GOLM2: variants seen among roughly 807,000 people sequenced by gnomAD.
GOLM2 encodes golgi membrane protein 2.
GOLM2 carries 26 observed loss-of-function variants against 55.9 expected under a neutral mutation model. The observed-to-expected ratio is 0.47, with a 90% CI of 0.34 to 0.65. The LOEUF (loss-of-function observed/expected upper bound fraction) is 0.65. GOLM2 is among the 30% of genes least tolerant of loss of function. GOLM2 has a pLI of 0.01. For missense variants in GOLM2, 486 were observed against 531.8 expected, an observed-to-expected ratio of 0.91 and a Z score of 0.85; for synonymous variants, 165 against 194.6, an observed-to-expected ratio of 0.85 and a Z score of 1.27.
intron 6 of GOLM2, among the ~76,000 whole-genome samples, chr15:44,374,912 A>C (rs2079354032): frequency 6.6e-6 from 1 of 152,238 alleles, no homozygotes; most frequent in South Asian, 2.1e-4. Context: ...ATTTTCTGAT[A>C]GCAGCATGAT....
chr15:44,346,955 A>C (rs1191094152), intron 6 of GOLM2, among the ~76,000 whole-genome samples: 1 of 151,834 alleles, frequency 6.6e-6, no homozygotes, highest in Non-Finnish European at 1.5e-5. Context: ...ACAAGACCTC[A>C]TATCTTAGGA....
chr15:44,362,630 T>A (rs921671888), intron 6 of GOLM2, among the ~76,000 whole-genome samples: 2 of 152,172 alleles, frequency 1.3e-5, no homozygotes, highest in Admixed American at 1.3e-4. Context: ...AGGTAATTTA[T>A]AGATTCAATG....
intron 1 of GOLM2, among the ~76,000 whole-genome samples, chr15:44,317,285 G>A (rs1313359419): frequency 2.0e-5 from 3 of 152,204 alleles, no homozygotes; most frequent in African/African-American, 7.2e-5. Context: ...GCTGAGGTGG[G>A]AGGATCTTTT....
chr15:44,322,197 A>G (rs1468361201), intron 1 of GOLM2, among the ~76,000 whole-genome samples: 2 of 152,158 alleles, frequency 1.3e-5, no homozygotes, highest in African/African-American at 2.4e-5. Flanking sequence ...GTAAAACCCC[A>G]TCTCTACTAA....
intron 9 of GOLM2, among the ~76,000 whole-genome samples, chr15:44,410,526 C>T (rs923881053): frequency 6.6e-6 from 1 of 151,984 alleles, no homozygotes; most frequent in African/African-American, 2.4e-5. Flanking sequence ...TAATTTCAGG[C>T]TTTAACACAT....
intron 6 of GOLM2, among the ~76,000 whole-genome samples, chr15:44,378,277 G>A (rs1270495126): frequency 6.6e-6 from 1 of 150,866 alleles, no homozygotes; most frequent in African/African-American, 2.4e-5. Context: ...GGTTGGTTTC[G>A]ATTTCCTGAC....
intron 6 of GOLM2, among the ~76,000 whole-genome samples, chr15:44,367,537 T>C (rs938586318): frequency 6.6e-6 from 1 of 152,184 alleles, no homozygotes; most frequent in African/African-American, 2.4e-5. Context: ...GGCTCATGCC[T>C]GTAATCCCAG....
chr15:44,325,387 A>C (rs2078974371), intron 2 of GOLM2, among the ~76,000 whole-genome samples: 1 of 152,150 alleles, frequency 6.6e-6, no homozygotes, highest in Non-Finnish European at 1.5e-5. Flanking sequence ...TACAAAGGAA[A>C]ATTTTATTTC....
At chr15:44,315,092 C>T (rs1316827733) in intron 1 of GOLM2, among the ~76,000 whole-genome samples, 2 of 152,106 alleles carry the variant, frequency 1.3e-5, no homozygotes, top group African/African-American at 4.8e-5. Flanking sequence ...AATTCCTGGG[C>T]CTTTCCCAGA....
At position 44,366,308 on chromosome 15, in the gene GOLM2, A is replaced by C. The variant is rs549101741; in HGVS notation, c.803-13382A>C. Among the ~76,000 whole-genome samples, 16 of 151,600 alleles carry C rather than the reference A, an allele frequency of 1.1e-4. No individual in the cohort carries two copies. The South Asian group carries it at 1.9e-3, about 18-fold the overall frequency. On this transcript the variant is annotated intron_variant, in intron 6 of 9. Coordinates refer to ENST00000299957, the MANE Select transcript of GOLM2 (RefSeq NM_138423.4). The stretch of plus-strand genomic sequence containing the variant: ...CGAGACTCCGTCTCAAAAAAAAAAA[A>C]AAAAAACAAAACAAACAAACCACAA...
At position 44,288,925 on chromosome 15, in the gene GOLM2, G is replaced by C. The variant is rs2078699304; in HGVS notation, c.-105G>C. On this transcript the variant is annotated 5_prime_UTR_variant, in exon 1 of 10. Coordinates refer to ENST00000299957, the MANE Select transcript of GOLM2 (RefSeq NM_138423.4). ...GACCGGTAAGCCCGCCTCCTCCCTC[G>C]GCCGGCCCTGGGGCCGTGTCCGCCG... The C allele has an allele frequency of 1.2e-5, 13 of 1,094,210 alleles. No individual in the cohort carries two copies. Among genetic ancestry groups the C allele is most frequent in the Non-Finnish European group, 1.3e-5 (10 of 776,054 alleles). The allele number at this position is 1,094,210 out of a possible 1,614,324, so 67.8% of individuals were successfully genotyped here.
chr15:44,327,614 T>C (rs781522560), intron 2 of GOLM2, among the ~76,000 whole-genome samples: 1 of 152,208 alleles, frequency 6.6e-6, no homozygotes, highest in Non-Finnish European at 1.5e-5. Flanking sequence ...CTAAAAATTA[T>C]CTTAATACTA....
chr15:44,382,569 C>T (rs1433316454), intron 8 of GOLM2, among the ~76,000 whole-genome samples: 25 of 152,018 alleles, frequency 1.6e-4, no homozygotes, highest in African/African-American at 5.3e-4. Flanking sequence ...TCAGGTGATC[C>T]GCCCGCCTCG....
intron 6 of GOLM2, among the ~76,000 whole-genome samples, chr15:44,346,984 CAT>C (rs2079129433): frequency 6.6e-6 from 1 of 151,734 alleles, no homozygotes; most frequent in African/African-American, 2.4e-5. Flanking sequence ...AATGGCTAGG[CAT>C]AGTGGCACAC....
At chr15:44,330,700 G>A (rs992036631) in intron 3 of GOLM2, among the ~76,000 whole-genome samples, 2 of 151,988 alleles carry the variant, frequency 1.3e-5, no homozygotes, top group African/African-American at 2.4e-5. Flanking sequence ...CTGCACTCCA[G>A]TCTGGGCAAC....
chr15:44,369,100 T>C (rs1378351832), intron 6 of GOLM2, among the ~76,000 whole-genome samples: 2 of 98,070 alleles, frequency 2.0e-5, no homozygotes, highest in East Asian at 3.7e-4. Flanking sequence ...TATATATATA[T>C]ATATATATAT....
chr15:44,300,973 C>A (rs1045124929), intron 1 of GOLM2, among the ~76,000 whole-genome samples: 1 of 152,222 alleles, frequency 6.6e-6, no homozygotes, highest in Non-Finnish European at 1.5e-5. Flanking sequence ...GATTCTTTCT[C>A]TTTTCCAAAC....
chr15:44,345,598 A>G (rs2079118937), intron 6 of GOLM2, among the ~76,000 whole-genome samples: 1 of 152,082 alleles, frequency 6.6e-6, no homozygotes, highest in South Asian at 2.1e-4. Flanking sequence ...ACAGTATGCA[A>G]TGCAAATATC....
At chr15:44,367,508 A>G (rs1210688089) in intron 6 of GOLM2, among the ~76,000 whole-genome samples, 1 of 152,276 alleles carries the variant, frequency 6.6e-6, no homozygotes, top group Non-Finnish European at 1.5e-5. Context: ...TAAAAGATGC[A>G]GTTCCGGCGG....
Sources: gnomAD v4.1 joint callset for allele counts (sites outside exome capture counted in the v4.1 genomes callset) on GRCh38, gnomAD v4.1.1 for gene constraint, MANE v1.5 for transcripts, NCBI Gene and HGNC (gene_info 2026-07-23, HGNC 2026-07-21) for gene names.